Variants in SOX6 observed in about 807,000 individuals in gnomAD.
SOX6 encodes transcription factor SOX-6.
In SOX6, 11 loss-of-function variants were observed where a neutral mutation model predicts 97.8. That is an observed-to-expected ratio of 0.11 (90% CI 0.07 to 0.19). The LOEUF (loss-of-function observed/expected upper bound fraction) is 0.19. SOX6 is among the 10% of genes least tolerant of loss of function. The pLI, the probability that SOX6 is intolerant of heterozygous loss-of-function variation, is 1.00. For missense variants in SOX6, 810 were observed against 1,039.5 expected (o/e 0.78, Z 3.04); for synonymous variants, 360 against 371.4 (o/e 0.97, Z 0.35).
At chr11:16,119,317 A>T (rs368438541) in intron 6 of SOX6, among the ~76,000 whole-genome samples, 4 of 152,228 alleles carry the variant, frequency 2.6e-5, no homozygotes, top group African/African-American at 9.6e-5. Context: ...GGATAAATTC[A>T]TGCCTTAACA....
At chr11:16,504,087 ATAAATAAATAAG>A (rs923290658) in intron 4 of SOX6, among the ~76,000 whole-genome samples, 4 of 110,144 alleles carry the variant, frequency 3.6e-5, no homozygotes, top group African/African-American at 1.3e-4. Flanking sequence ...AAATAAATAA[ATAAATAAATAAG>A]CTTACATGCA....
chr11:16,111,735 G>T lies in SOX6; in HGVS notation c.898+68C>A, dbSNP rs1849234124. The T allele has an allele frequency of 5.1e-6, 8 of 1,580,390 alleles. 1 individual carries two copies. The South Asian group carries it at 8.9e-5, about 18-fold the overall frequency. ...TCCCTGGCATGCTCCTGTGTTTGTT[G>T]TGAGTACTAAGCATAAACATGCAGA... On this transcript the variant is annotated intron_variant, in intron 7 of 15. Coordinates refer to ENST00000683767, the MANE Select transcript of SOX6 (RefSeq NM_001367873.1).
At position 16,681,621 on chromosome 11, in the gene SOX6, G is replaced by C. The variant is rs560495901; in HGVS notation, n.429+33209C>G. Among the ~76,000 whole-genome samples the C allele has an allele frequency of 3.3e-5, 5 of 152,236 alleles. No homozygotes were observed. In the East Asian group the frequency reaches 9.6e-4, roughly 29 times the overall value. On this transcript the variant is annotated intron_variant and non_coding_transcript_variant, in intron 3 of 5. Coordinates refer to the SOX6 transcript ENST00000524520. ...AAATAACTAAGATCAGAGAAGAACT[G>C]AAGGAGATAGAGACACAAAAAAACC...
At chr11:16,659,955 A>T (rs993652062) in intron 3 of SOX6, among the ~76,000 whole-genome samples, 1 of 152,062 alleles carries the variant, frequency 6.6e-6, no homozygotes, top group Non-Finnish European at 1.5e-5. Context: ...TGTTCATGGA[A>T]TCAGTATAGT....
chr11:16,602,220 T>A (rs910555123), intron 4 of SOX6, among the ~76,000 whole-genome samples: 2 of 152,106 alleles, frequency 1.3e-5, no homozygotes, highest in African/African-American at 4.8e-5. Context: ...CAAAAAGCTA[T>A]CTAGTTTTGC....
chr11:16,526,259 T>C (rs552888765), intron 4 of SOX6, among the ~76,000 whole-genome samples: 1 of 152,160 alleles, frequency 6.6e-6, no homozygotes, highest in Non-Finnish European at 1.5e-5. Flanking sequence ...GTAGACTGGA[T>C]TAAGAAAATG....
At chr11:16,135,781 C>T (rs534939225) in intron 6 of SOX6, among the ~76,000 whole-genome samples, 2 of 152,256 alleles carry the variant, frequency 1.3e-5, no homozygotes, top group South Asian at 2.1e-4. Context: ...GTTGATAAAG[C>T]ATGTAAGGCT....
intron 3 of SOX6, among the ~76,000 whole-genome samples, chr11:16,239,069 A>G (rs899833876): frequency 6.6e-6 from 1 of 152,056 alleles, no homozygotes; most frequent in Non-Finnish European, 1.5e-5. Flanking sequence ...CACATTTTTC[A>G]TTAGGAAACA....
chr11:16,054,109 G>A lies in SOX6; in HGVS notation c.1251+1643C>T, dbSNP rs575454166. 2.0e-5 allele frequency among the ~76,000 whole-genome samples: 3 copies of A among 152,234 alleles called. No homozygotes were observed. The East Asian group carries it at 5.8e-4, about 29-fold the overall frequency. On this transcript the variant is annotated intron_variant, in intron 10 of 15. Coordinates refer to ENST00000683767, the MANE Select transcript of SOX6 (RefSeq NM_001367873.1). ...AAAATTCAGCTGGCTCACAAAGATG[G>A]AATAGTAAAAGCAGATATAAACTTG... is the stretch of plus-strand genomic sequence containing the variant.
intron 1 of SOX6, among the ~76,000 whole-genome samples, chr11:16,350,555 C>T (rs958555719): frequency 6.6e-6 from 1 of 152,124 alleles, no homozygotes; most frequent in African/African-American, 2.4e-5. Flanking sequence ...ATTTCCTAAA[C>T]TTCGATGATG....
At chr11:16,623,457 A>G (rs1783866333) in intron 3 of SOX6, among the ~76,000 whole-genome samples, 1 of 151,856 alleles carries the variant, frequency 6.6e-6, no homozygotes, top group South Asian at 2.1e-4. Flanking sequence ...GATTCTGGAT[A>G]TTAGTCCTTT....
At chr11:16,624,145 T>C (rs914171320) in intron 3 of SOX6, among the ~76,000 whole-genome samples, 5 of 151,486 alleles carry the variant, frequency 3.3e-5, no homozygotes, top group Non-Finnish European at 7.4e-5. Context: ...ATTTCATCCA[T>C]GCTGTCATGC....
At chr11:16,632,188 C>A (rs1848716734) in intron 3 of SOX6, among the ~76,000 whole-genome samples, 1 of 152,196 alleles carries the variant, frequency 6.6e-6, no homozygotes, top group Admixed American at 6.5e-5. Context: ...GGTTCCTTCT[C>A]ATCTGGAGAC....
In SOX6 at chr11:15,972,770, G is replaced by A. The variant is rs1281252527; in HGVS notation, c.*39C>T. ...ATAACTCTTTGTTGGGGAGGGGGGT[G>A]AAATGTCAGAGTACTTTAATTCAGC... On this transcript the variant is annotated 3_prime_UTR_variant, in exon 16 of 16. Transcript: ENST00000683767. 1.2e-6 allele frequency: 2 copies of A among 1,609,724 alleles called. No homozygotes were observed. Among genetic ancestry groups the A allele is most frequent in the Non-Finnish European group, 8.5e-7 (1 of 1,176,266 alleles).
chr11:16,594,847 T>C lies in SOX6; in HGVS notation n.609+17234A>G, dbSNP rs571712754. Reference sequence around the variant, plus strand: ...CTGGGACTACAGGCCCCCGCCACCATGCCTGGATAATTTTTTGTAGTTTTT... The same window carrying C: ...CTGGGACTACAGGCCCCCGCCACCACGCCTGGATAATTTTTTGTAGTTTTT... On this transcript the variant is annotated intron_variant and non_coding_transcript_variant, in intron 4 of 5. Transcript: ENST00000524520. 7.2e-5 allele frequency among the ~76,000 whole-genome samples: 11 copies of C among 152,038 alleles called. No individual in the cohort carries two copies. The South Asian group carries it at 1.2e-3, about 17-fold the overall frequency.
At chr11:16,243,104 A>G (rs764731988) in intron 3 of SOX6, among the ~76,000 whole-genome samples, 1 of 151,972 alleles carries the variant, frequency 6.6e-6, no homozygotes, top group Non-Finnish European at 1.5e-5. Flanking sequence ...CAACTCCTCA[A>G]TTATGCCTTG....
At chr11:16,285,072 A>T (rs1011933562) in intron 3 of SOX6, among the ~76,000 whole-genome samples, 3 of 152,160 alleles carry the variant, frequency 2.0e-5, no homozygotes, top group Admixed American at 6.6e-5. Context: ...AGGGCAGTAT[A>T]GTCAAGTGAG....
intron 4 of SOX6, among the ~76,000 whole-genome samples, chr11:16,229,756 G>A (rs1044753960): frequency 3.3e-5 from 5 of 151,736 alleles, no homozygotes; most frequent in Non-Finnish European, 7.4e-5. Context: ...AGTAGAAAAT[G>A]TTAAAAAGAA....
In SOX6 at chr11:16,691,740, T is replaced by C. The variant is rs150757625; in HGVS notation, n.429+23090A>G. 1.6e-3 allele frequency among the ~76,000 whole-genome samples: 248 copies of C among 152,244 alleles called. 2 individuals are homozygous for C. Among genetic ancestry groups the C allele is most frequent in the African/African-American group, 5.9e-3 (244 of 41,556 alleles). On this transcript the variant is annotated intron_variant and non_coding_transcript_variant, in intron 3 of 5. Coordinates refer to the SOX6 transcript ENST00000524520. ...TGAGCCTAAGAGATGGAGGTTGCAG[T>C]GAGCCAAGATTGCACCACTGTACTC...
Sources: allele counts gnomAD v4.1 joint callset (sites outside exome capture counted in the v4.1 genomes callset), GRCh38; gene constraint gnomAD v4.1.1; transcripts MANE v1.5; gene names NCBI Gene and HGNC (gene_info 2026-07-23, HGNC 2026-07-21).